The following SMIM23 variants were observed in gnomAD, a reference collection of about 807,000 sequenced individuals.
The protein encoded by SMIM23 is small integral membrane protein 23, also known as CTB-78H18.1.
In SMIM23, 10 loss-of-function variants were observed where a neutral mutation model predicts 12.8. That is an observed-to-expected ratio of 0.78 (90% CI 0.48 to 1.32). The LOEUF is 1.32. Ranked by LOEUF, SMIM23 falls within the 40% of genes most tolerant of loss-of-function variation. SMIM23 has a pLI of 0.00. For missense variants in SMIM23, 184 were observed against 198.2 expected, an observed-to-expected ratio of 0.93 and a Z score of 0.43; for synonymous variants, 78 against 80.1, an observed-to-expected ratio of 0.97 and a Z score of 0.14.
At chr5:171,790,591 A>T (rs1755904528) in intron 3 of SMIM23, 42 bp downstream of exon 3, 5 of 1,521,902 alleles carry the variant, frequency 3.3e-6, no homozygotes, top group Non-Finnish European at 4.4e-6. Flanking sequence ...CAATCTGGGA[A>T]GGCTTTCCAG....
upstream of SMIM23, among the ~76,000 whole-genome samples, chr5:171,780,022 T>C (rs1454992392): frequency 6.6e-6 from 1 of 152,140 alleles, no homozygotes; most frequent in East Asian, 1.9e-4. Context: ...AGAGACATGA[T>C]GTCACTTTCC....
chr5:171,779,252 C>G (rs1440501589), upstream of SMIM23, among the ~76,000 whole-genome samples: 1 of 152,190 alleles, frequency 6.6e-6, no homozygotes, highest in Non-Finnish European at 1.5e-5. Flanking sequence ...CCACACTGAA[C>G]CCCACATTCT....
At position 171,790,473 on chromosome 5, in the gene SMIM23, C is replaced by T; in HGVS notation, c.158-9C>T. On this transcript the variant is annotated splice_polypyrimidine_tract_variant and intron_variant, in intron 2 of 3. Transcript: ENST00000523047. ...TGCTCTTCAGAGGTGATGTTTGTGCCTGTTTCAGGAAGCAGTTGGGAGGTG... is the reference window on the plus strand; with the variant it reads ...TGCTCTTCAGAGGTGATGTTTGTGCTTGTTTCAGGAAGCAGTTGGGAGGTG... The T allele has an allele frequency of 1.3e-6, 2 of 1,536,602 alleles. No homozygotes were observed. The highest frequency in any genetic ancestry group is 1.7e-6 in the Non-Finnish European group (2 of 1,146,980).
upstream of SMIM23, among the ~76,000 whole-genome samples, chr5:171,778,356 CAA>C (rs532519209): frequency 5.1e-5 from 6 of 116,620 alleles, no homozygotes; most frequent in East Asian, 2.5e-4. Flanking sequence ...GACTCCATCT[CAA>C]AAAAAAAAAA....
chr5:171,776,232 C>T, the SMIM23 span, among the ~76,000 whole-genome samples: 2 of 127,422 alleles, frequency 1.6e-5, no homozygotes, highest in Admixed American at 1.9e-4. Flanking sequence ...CAAGGTACAG[C>T]GTGCAGCCCA....
intron 1 of SMIM23, among the ~76,000 whole-genome samples, chr5:171,787,592 A>G (rs1423663026): frequency 1.3e-5 from 2 of 152,264 alleles, no homozygotes; most frequent in Admixed American, 6.5e-5. Context: ...CATTTTAAAG[A>G]TTGTGACAAT....
At chr5:171,779,848 AAAG>A (rs1000739236), upstream of SMIM23, among the ~76,000 whole-genome samples, 2 of 151,662 alleles carry the variant, frequency 1.3e-5, no homozygotes, top group African/African-American at 4.8e-5. Flanking sequence ...GGAGGGAGGA[AAAG>A]AAGGAGAGAG....
chr5:171,786,048 G>A (rs1013133140), intron 1 of SMIM23, 72 bp downstream of exon 1: 4 of 1,221,868 alleles, frequency 3.3e-6, no homozygotes, highest in Non-Finnish European at 4.6e-6. Context: ...CAGACTAGAA[G>A]TCCCTCAAAG....
Position 171,785,823 on chromosome 5 carries a change from C to A in SMIM23, c.-49C>A. 7.0e-7 allele frequency: 1 copy of A among 1,438,416 alleles called. No individual in the cohort carries two copies. The highest frequency in any genetic ancestry group is 9.5e-7 in the Non-Finnish European group (1 of 1,057,882). The allele number at this position is 1,438,416 out of a possible 1,614,324, so 89.1% of individuals were successfully genotyped here. On this transcript the variant is annotated 5_prime_UTR_variant, in exon 1 of 4. Transcript: ENST00000523047. ...CCACAGGTGGGGGAGGGGAAGGGTG[C>A]CCTTCTGTCTGTTGAGTGTGGTCCA... is the stretch of plus-strand genomic sequence containing the variant.
At chr5:171,776,720 C>A in the SMIM23 span, among the ~76,000 whole-genome samples, 2 of 152,086 alleles carry the variant, frequency 1.3e-5, no homozygotes. Context: ...TCTATTCCTA[C>A]GTTAATTTTC....
the SMIM23 span, chr5:171,773,582 C>A: frequency 6.0e-6 from 2 of 335,460 alleles, no homozygotes; most frequent in Non-Finnish European, 1.2e-5. Context: ...CTGAAAAATG[C>A]ACAGAAAATG....
At chr5:171,773,470 C>T in the SMIM23 span, among the ~76,000 whole-genome samples, 1 of 152,042 alleles carries the variant, frequency 6.6e-6, no homozygotes, top group Non-Finnish European at 1.5e-5. Context: ...CAGATAATTA[C>T]AGGGCATGCG....
upstream of SMIM23, among the ~76,000 whole-genome samples, chr5:171,784,504 C>CA (rs1043804616): frequency 3.5e-4 from 47 of 133,022 alleles, no homozygotes; most frequent in Middle Eastern, 3.8e-3. Context: ...GACTCTGTCT[C>CA]AAAAAAAAAA....
At chr5:171,778,218 A>G (rs1755670841), upstream of SMIM23, among the ~76,000 whole-genome samples, 2 of 152,226 alleles carry the variant, frequency 1.3e-5, no homozygotes, top group Admixed American at 6.5e-5. Context: ...TTTGCCAAGC[A>G]TGATGGCAAG....
At chr5:171,790,200 C>T (rs1755896034) in intron 1 of SMIM23, 30 bp from the exon 2 acceptor site, 1 of 1,534,774 alleles carries the variant, frequency 6.5e-7, no homozygotes, top group African/African-American at 1.4e-5. Context: ...TCCTCATGTT[C>T]TTCCTCCTCT....
chr5:171,791,041 G>A lies in SMIM23; in HGVS notation c.472G>A (p.Gly158Ser). 1.3e-6 allele frequency: 2 copies of A among 1,527,332 alleles called. No homozygotes were observed. Among genetic ancestry groups the A allele is most frequent in the Non-Finnish European group, 1.8e-6 (2 of 1,142,600 alleles). The allele number at this position is 1,527,332 out of a possible 1,614,324, so 94.6% of individuals were successfully genotyped here. Residue 158 changes from glycine (G) to serine (S), a missense_variant, in exon 4 of 4, where the codon GGT (glycine) becomes AGT (serine). Transcript: ENST00000523047. ...WAWALGREHK[G>S]GEGLLEISLS... ...CTGGGCCCTGGGGAGAGAGCACAAA[G>A]GTGGGGAGGGGTTGCTAGAGATTTC...
upstream of SMIM23, among the ~76,000 whole-genome samples, chr5:171,778,126 G>A (rs113551163): frequency 0.084 from 12,764 of 152,254 alleles, 705 homozygotes; most frequent in Non-Finnish European, 0.11. Context: ...TCGGGAGGCC[G>A]AGGCGGGCGG....
upstream of SMIM23, among the ~76,000 whole-genome samples, chr5:171,785,440 G>T (rs1157838924): frequency 6.8e-6 from 1 of 146,874 alleles, no homozygotes; most frequent in Non-Finnish European, 1.5e-5. Flanking sequence ...ATAGAGACAT[G>T]GTCTCACCAT....
chr5:171,773,306 C>T, the SMIM23 span, among the ~76,000 whole-genome samples: 2 of 151,640 alleles, frequency 1.3e-5, no homozygotes, highest in Non-Finnish European at 2.9e-5. Context: ...GACTGCTGCA[C>T]AGCAAGGGCT....
Sources: gnomAD v4.1 joint callset for allele counts (sites outside exome capture counted in the v4.1 genomes callset) on GRCh38, gnomAD v4.1.1 for gene constraint, MANE v1.5 for transcripts, NCBI Gene and HGNC (gene_info 2026-07-23, HGNC 2026-07-21) for gene names.